MX1: variants seen among roughly 807,000 people sequenced by gnomAD.
MX1 encodes the protein MX dynamin like GTPase 1.
MX1 carries 66 observed loss-of-function variants against 66.4 expected under a neutral mutation model. The observed-to-expected ratio is 0.99, with a 90% CI of 0.82 to 1.22. The LOEUF is 1.22. MX1 is among the 50% of genes most tolerant of loss of function. The pLI, the probability that MX1 is intolerant of heterozygous loss-of-function variation, is 0.00. For missense variants in MX1, 787 were observed against 834.3 expected (o/e 0.94, Z 0.70); for synonymous variants, 311 against 318.1 (o/e 0.98, Z 0.24).
At chr21:41,428,654 G>A (rs528243806) in intron 3 of MX1, 1 of 152,336 alleles carries the variant, frequency 6.6e-6, no homozygotes, top group African/African-American at 2.4e-5. Flanking sequence ...TATTCACTGG[G>A]GTCTCTGGTG....
At chr21:41,432,246 A>C (rs747655328) in intron 5 of MX1, 71 bp downstream of exon 5, 3 of 1,395,514 alleles carry the variant, frequency 2.1e-6, no homozygotes, top group Non-Finnish European at 3.0e-6. Context: ...CCTTTTCTAC[A>C]GCGGTGCTAC....
At chr21:41,438,922 G>A (rs182484766) in intron 7 of MX1, among the ~76,000 whole-genome samples, 5 of 152,206 alleles carry the variant, frequency 3.3e-5, no homozygotes, top group East Asian at 3.9e-4. Context: ...CAGCAAGTCC[G>A]CTTTGAAGCC....
At position 41,437,109 on chromosome 21, in the gene MX1, T is replaced by C. The variant is rs771162348; in HGVS notation, c.393T>C (p.Ile131=). The C allele has an allele frequency of 1.2e-6, 2 of 1,613,742 alleles. No individual in the cohort carries two copies. The highest frequency in any genetic ancestry group is 2.2e-5 in the South Asian group (2 of 91,076). ...RGKVSYQDYE[I]EISDASEVEK... is the part of the protein sequence containing the mutation. ...AGGTCAGTTACCAGGACTACGAGATTGAGATTTCGGATGCTTCAGAGGTAG... is the reference window on the plus strand; with the variant it reads ...AGGTCAGTTACCAGGACTACGAGATCGAGATTTCGGATGCTTCAGAGGTAG... The change falls in exon 7 of 17, where the codon ATT becomes ATC. Residue 131 remains isoleucine, a synonymous_variant. Transcript: ENST00000398598.
chr21:41,423,968 T>A (rs777099744), upstream of MX1, among the ~76,000 whole-genome samples: 1 of 152,164 alleles, frequency 6.6e-6, no homozygotes, highest in Non-Finnish European at 1.5e-5. Context: ...CTCTATCTGG[T>A]TATCAGTTGC....
At chr21:41,436,960 C>T in intron 6 of MX1, 55 bp from the exon 7 acceptor site, 1 of 1,601,174 alleles carries the variant, frequency 6.2e-7, no homozygotes, top group South Asian at 1.1e-5. Context: ...GCCTAAGGCG[C>T]TATGTAGGTC....
chr21:41,443,491 C>T (rs1304879466), intron 10 of MX1: 1 of 389,332 alleles, frequency 2.6e-6, no homozygotes, highest in Non-Finnish European at 4.7e-6. Context: ...AAAAACATAT[C>T]TATACATGTC....
rs754512200 is a variant in MX1 at position 41,431,053 on chromosome 21, C to T, written c.-22+445C>T. ...TGTTGTTGTTTTTAAGACGGGGTCT[C>T]GCTCTGTCGCCCAGGCTGGAGTGCA... is the stretch of plus-strand genomic sequence containing the variant. On this transcript the variant is annotated intron_variant, in intron 4 of 16. Coordinates refer to ENST00000398598, the MANE Select transcript of MX1 (RefSeq NM_002462.5). Among the ~76,000 whole-genome samples the T allele has an allele frequency of 4.6e-5, 7 of 152,314 alleles. No homozygotes were observed. The East Asian group carries it at 9.6e-4, about 21-fold the overall frequency.
In MX1 at chr21:41,437,235, C is replaced by T. The variant is rs2090390719; in HGVS notation, c.436+83C>T. On this transcript the variant is annotated intron_variant, in intron 7 of 16. Transcript: ENST00000398598. Reference sequence around the variant, plus strand: ...TGTAACTGTTCATACTCCCACCTCCCTGGGCCTGTGCTGTCAGGACACCTT... The same window carrying T: ...TGTAACTGTTCATACTCCCACCTCCTTGGGCCTGTGCTGTCAGGACACCTT... The T allele has an allele frequency of 1.2e-5, 18 of 1,511,182 alleles. 1 individual carries two copies. In the South Asian group the frequency reaches 2.2e-4, roughly 18 times the overall value. 93.6% of individuals were successfully genotyped at this position (1,511,182 alleles called of 1,614,324 possible). A position where few individuals can be genotyped will look rare whatever the true frequency, so the allele number is the denominator to read the frequency against.
In MX1 at chr21:41,441,141, G is replaced by A. The variant is rs1164604811; in HGVS notation, c.730+116G>A. On this transcript the variant is annotated intron_variant, in intron 9 of 16. Coordinates refer to ENST00000398598, the MANE Select transcript of MX1 (RefSeq NM_002462.5). This position sits in a 1 kb window ranked among gnomAD's most constrained non-coding sequence, Gnocchi z 4.0. ...AGAATGGGGGAGCCCGCCTGTGCTC[G>A]GTGAGAATGGGGGAGCCCGCCTGTG... The A allele has an allele frequency of 6.0e-5, 69 of 1,154,010 alleles. 4 individuals are homozygous for A. The South Asian group carries it at 9.7e-4, about 16-fold the overall frequency. 71.5% of individuals were successfully genotyped at this position (1,154,010 alleles called of 1,614,324 possible).
At chr21:41,428,701 G>C (rs568048798) in intron 3 of MX1, 2 of 152,340 alleles carry the variant, frequency 1.3e-5, no homozygotes, top group South Asian at 4.1e-4. Context: ...CATCCCCTTA[G>C]TCTACCACAC....
intron 3 of MX1, chr21:41,430,053 A>AGGCAGCATGAACCCAT (rs1328252925): frequency 2.0e-5 from 3 of 152,194 alleles, no homozygotes; most frequent in Non-Finnish European, 1.5e-5. Context: ...TCTTTAGCCA[A>AGGCAGCATGAACCCAT]GGCAGCATGA....
Position 41,443,865 on chromosome 21 carries a change from G to A in MX1, c.1007G>A (p.Cys336Tyr), listed in dbSNP as rs2146252474. 2 of 1,613,872 alleles carry A rather than the reference G, an allele frequency of 1.2e-6. No individual in the cohort carries two copies. The highest frequency in any genetic ancestry group is 1.7e-6 in the Non-Finnish European group (2 of 1,179,692). Residue 336 changes from cysteine (C) to tyrosine (Y), a missense_variant and splice_region_variant, in exon 11 of 17, where the codon TGT (cysteine) becomes TAT (tyrosine). Cys to Tyr is a radical substitution (Grantham distance 194, BLOSUM62 -2). Transcript: ENST00000398598. ...KLTSELITHI[C>Y]KSLPLLENQI... ...ACCAGCGAGCTCATCACACATATCT[G>A]TGTAAGCACGGGCAGAGCTGTGGGT... is the stretch of plus-strand genomic sequence containing the variant.
At chr21:41,458,295 G>A (rs113541580) in intron 16 of MX1, among the ~76,000 whole-genome samples, 4,223 of 152,266 alleles carry the variant, frequency 0.028, 192 homozygotes, top group African/African-American at 0.094. Context: ...TAATGGTCAG[G>A]AAAAGCTGCT....
At chr21:41,426,791 G>A (rs925423171) in intron 1 of MX1, 1 of 152,366 alleles carries the variant, frequency 6.6e-6, no homozygotes. Flanking sequence ...GAATAAAGGG[G>A]GTTCCGAGCT....
At position 41,443,779 on chromosome 21, in the gene MX1, C is replaced by A; in HGVS notation, c.930-9C>A. ...TCAAGGTGGAAATCGGTCCTGTGTTCTCTTCTAGGGATCTGCTGGAGGAAG... is the reference window on the plus strand; with the variant it reads ...TCAAGGTGGAAATCGGTCCTGTGTTATCTTCTAGGGATCTGCTGGAGGAAG... On this transcript the variant is annotated splice_polypyrimidine_tract_variant and intron_variant, in intron 10 of 16. Coordinates refer to ENST00000398598, the MANE Select transcript of MX1 (RefSeq NM_002462.5). 1 of 1,614,094 alleles carries A rather than the reference C, an allele frequency of 6.2e-7. No homozygotes were observed. Among genetic ancestry groups the A allele is most frequent in the South Asian group, 1.1e-5 (1 of 91,086 alleles).
intron 10 of MX1, chr21:41,443,337 C>T (rs915647497): frequency 6.5e-6 from 1 of 152,866 alleles, no homozygotes; most frequent in Non-Finnish European, 1.5e-5. Context: ...AAGTTTTTAT[C>T]TTGGACAAGA....
rs1035184162 is a variant in MX1 at position 41,458,791 on chromosome 21, C to T, written c.*33C>T. 6.3e-7 allele frequency: 1 copy of T among 1,593,676 alleles called. No individual in the cohort carries two copies. The highest frequency in any genetic ancestry group is 8.5e-7 in the Non-Finnish European group (1 of 1,172,110). ...CTGTCCAGCCCCGTAGACGTGCACG[C>T]ACACTGTCTGCCCCCGTTCCCGGGT... is the stretch of plus-strand genomic sequence containing the variant. On this transcript the variant is annotated 3_prime_UTR_variant, in exon 17 of 17. Transcript: ENST00000398598.
intron 7 of MX1, among the ~76,000 whole-genome samples, chr21:41,439,321 A>G (rs561158193): frequency 6.6e-6 from 1 of 152,264 alleles, no homozygotes; most frequent in Non-Finnish European, 1.5e-5. Flanking sequence ...TATTTTAGGC[A>G]TTTCCATATA....
Position 41,441,807 on chromosome 21 carries a change from T to C in MX1, c.822T>C (p.Gly274=), listed in dbSNP as rs1210597514. Residue 274 remains glycine (G), a synonymous_variant, in exon 10 of 17, where the codon GGT becomes GGC. Transcript: ENST00000398598. The surrounding 1 kb of genome is among the most constrained non-coding windows in gnomAD (Gnocchi z 4.0). ...ACCTCGTGTTCCACCTGAAGAAGGG[T>C]TACATGATTGTCAAGTGCCGGGGCC... ...VRNLVFHLKK[G]YMIVKCRGQQ... 1.2e-6 allele frequency: 2 copies of C among 1,613,978 alleles called. No individual in the cohort carries two copies. Among genetic ancestry groups the C allele is most frequent in the East Asian group, 2.2e-5 (1 of 44,876 alleles).
Sources: allele counts gnomAD v4.1 joint callset (sites outside exome capture counted in the v4.1 genomes callset), GRCh38; gene constraint gnomAD v4.1.1; non-coding constraint Gnocchi (gnomAD v3.1); transcripts MANE v1.5; gene names NCBI Gene and HGNC (gene_info 2026-07-23, HGNC 2026-07-21).